Variants in PSMD12 observed in about 807,000 individuals in gnomAD.
PSMD12 encodes proteasome 26S subunit, non-ATPase 12.
In PSMD12, 8 loss-of-function variants were observed where a neutral mutation model predicts 62.9. The observed-to-expected ratio is 0.13, with a 90% CI of 0.07 to 0.23. PSMD12 has a LOEUF of 0.23. PSMD12 is among the 10% of genes least tolerant of loss of function. The probability of loss-of-function intolerance (pLI) is 1.00; values close to 1 mark genes in which losing one functional copy is unlikely to be tolerated. For missense variants in PSMD12, 424 were observed against 550.2 expected, an observed-to-expected ratio of 0.77 and a Z score of 2.29; for synonymous variants, 173 against 187.4, an observed-to-expected ratio of 0.92 and a Z score of 0.63.
chr17:67,339,150 C>G lies in PSMD12; in HGVS notation c.*1693G>C, dbSNP rs2041886629. 1 of 151,980 alleles carries G rather than the reference C, an allele frequency of 6.6e-6. No homozygotes were observed. The allele number at this position is 151,980 out of a possible 1,614,324, so 9.4% of individuals were successfully genotyped here. On this transcript the variant is annotated 3_prime_UTR_variant, in exon 11 of 11. Coordinates refer to ENST00000356126, the MANE Select transcript of PSMD12 (RefSeq NM_002816.5). ...TGAGACGGAGTCTCACTCTGTCACCCAGGCTGGAGTGCAATGGTGTGATCT... is the reference window on the plus strand; with the variant it reads ...TGAGACGGAGTCTCACTCTGTCACCGAGGCTGGAGTGCAATGGTGTGATCT...
intron 3 of PSMD12, among the ~76,000 whole-genome samples, chr17:67,353,262 A>G (rs947070364): frequency 1.2e-4 from 18 of 152,032 alleles, no homozygotes; most frequent in African/African-American, 4.3e-4. Flanking sequence ...ATATTAAGCA[A>G]TTTAGAAAAG....
intron 1 of PSMD12, 73 bp downstream of exon 1, chr17:67,366,339 C>A: frequency 7.1e-7 from 1 of 1,415,550 alleles, no homozygotes; most frequent in Non-Finnish European, 9.7e-7. Context: ...CGCAGGCCCC[C>A]TGAGGCCTAA....
chr17:67,339,857 T>TTA lies in PSMD12; in HGVS notation c.*985_*986insTA. The stretch of plus-strand genomic sequence containing the variant: ...TAATTCCGTGAAAATATTTTAATAC[T>TTA]ACACCACTTACTATGAGGGTGGCCT... On this transcript the variant is annotated 3_prime_UTR_variant, in exon 11 of 11. Transcript: ENST00000356126. The TTA allele has an allele frequency of 1.3e-5, 2 of 152,188 alleles. No homozygotes were observed. Among genetic ancestry groups the TTA allele is most frequent in the Admixed American group, 1.3e-4 (2 of 15,276 alleles). 9.4% of individuals were successfully genotyped at this position (152,188 alleles called of 1,614,324 possible).
chr17:67,347,507 T>G (rs763210062), intron 5 of PSMD12, 22 bp from the exon 6 acceptor site: 25 of 1,593,132 alleles, frequency 1.6e-5, no homozygotes, highest in Non-Finnish European at 2.0e-5. Context: ...ATTCCCCAAA[T>G]AAGTTTATAA....
chr17:67,365,184 CAA>C (rs891969142), intron 1 of PSMD12, among the ~76,000 whole-genome samples: 23 of 54,190 alleles, frequency 4.2e-4, no homozygotes, highest in Admixed American at 8.2e-4. Context: ...AACTCCGTCT[CAA>C]AAAAAAAAAA....
At chr17:67,351,816 T>C (rs1476178996) in intron 3 of PSMD12, among the ~76,000 whole-genome samples, 2 of 151,892 alleles carry the variant, frequency 1.3e-5, no homozygotes, top group Non-Finnish European at 2.9e-5. Flanking sequence ...AAACATTTTT[T>C]TGGCTGGGTA....
At position 67,340,847 on chromosome 17, in the gene PSMD12, T is replaced by C; in HGVS notation, c.1367A>G (p.Gln456Arg). ...TTTTCTAAAGCACTAAGACCCTTAT[T>C]GTAGATTATGTATCATCTCCTCTTT... ...IAKEEMIHNL[Q>R] The change falls in exon 11 of 11, where the codon CAA (glutamine) becomes CGA (arginine). Residue 456 changes from glutamine (Q) to arginine (R), a missense_variant. Gln to Arg is a conservative substitution (Grantham distance 43, BLOSUM62 1). Transcript: ENST00000356126. 2.5e-6 allele frequency: 4 copies of C among 1,569,526 alleles called. No individual in the cohort carries two copies. Among genetic ancestry groups the C allele is most frequent in the Non-Finnish European group, 3.4e-6 (4 of 1,163,332 alleles).
At chr17:67,353,209 G>T (rs1328156649) in intron 3 of PSMD12, among the ~76,000 whole-genome samples, 1 of 152,162 alleles carries the variant, frequency 6.6e-6, no homozygotes, top group Non-Finnish European at 1.5e-5. Flanking sequence ...CAGTTGGAGT[G>T]ACCCCTTGGG....
In PSMD12 at chr17:67,344,477, A is replaced by C; in HGVS notation, c.1083+129T>G. The C allele has an allele frequency of 3.4e-6, 3 of 883,834 alleles. No individual in the cohort carries two copies. In the East Asian group the frequency reaches 8.0e-5, roughly 24 times the overall value. The allele number at this position is 883,834 out of a possible 1,614,324, so 54.7% of individuals were successfully genotyped here. ...TGAAGAATTAAACACATAACATCCT[A>C]AATGAACATTTGGTTATCAAATGTG... On this transcript the variant is annotated intron_variant, in intron 9 of 10. Transcript: ENST00000356126.
At chr17:67,360,161 A>T (rs1031763797) in intron 1 of PSMD12, among the ~76,000 whole-genome samples, 5 of 152,220 alleles carry the variant, frequency 3.3e-5, no homozygotes, top group Non-Finnish European at 7.3e-5. Context: ...CAACAAAATG[A>T]AGGGCAAAAA....
Position 67,347,107 on chromosome 17 carries a change from TA to T in PSMD12, c.795+8del. On this transcript the variant is annotated splice_region_variant and intron_variant, in intron 7 of 10. Coordinates refer to ENST00000356126, the MANE Select transcript of PSMD12 (RefSeq NM_002816.5). The stretch of plus-strand genomic sequence containing the variant: ...AGAAGCCATGTCAATTACACGAATA[TA>T]TTCTTACCTGCTGCCATTTTTCACT... 2 of 1,577,434 alleles carry T rather than the reference TA, an allele frequency of 1.3e-6. No individual in the cohort carries two copies. The highest frequency in any genetic ancestry group is 1.7e-6 in the Non-Finnish European group (2 of 1,162,392).
intron 1 of PSMD12, among the ~76,000 whole-genome samples, chr17:67,365,167 A>G (rs2042167579): frequency 6.6e-6 from 1 of 151,614 alleles, no homozygotes; most frequent in African/African-American, 2.4e-5. Context: ...CTGGGTGAAA[A>G]AAGTGAAACT....
chr17:67,353,621 C>T (rs1184591507), intron 3 of PSMD12, among the ~76,000 whole-genome samples: 1 of 152,094 alleles, frequency 6.6e-6, no homozygotes, highest in Non-Finnish European at 1.5e-5. Context: ...AGTTTATTTT[C>T]TTAAAGCTAC....
At chr17:67,346,695 ATCTGACTTAC>A (rs2041970743) in intron 7 of PSMD12, among the ~76,000 whole-genome samples, 1 of 152,240 alleles carries the variant, frequency 6.6e-6, no homozygotes, top group African/African-American at 2.4e-5. Flanking sequence ...ATCATTGCTA[ATCTGACTTAC>A]TCCCCTCAGC....
intron 3 of PSMD12, among the ~76,000 whole-genome samples, chr17:67,356,422 G>A (rs962876759): frequency 1.3e-5 from 2 of 150,056 alleles, no homozygotes; most frequent in African/African-American, 4.9e-5. Flanking sequence ...GCCGGGCGTG[G>A]TAGCGGGCGC....
chr17:67,354,366 C>T (rs989816261), intron 3 of PSMD12, among the ~76,000 whole-genome samples: 1 of 151,022 alleles, frequency 6.6e-6, no homozygotes, highest in African/African-American at 2.4e-5. Flanking sequence ...GCTATGATTG[C>T]ACCACTGCAC....
At chr17:67,345,583 A>G (rs2041957220) in intron 8 of PSMD12, 162 bp downstream of exon 8, 1 of 587,780 alleles carries the variant, frequency 1.7e-6, no homozygotes, top group African/African-American at 1.9e-5. Context: ...CAGAAGTTGC[A>G]GTGAGCTGAG....
In PSMD12 at chr17:67,339,684, T is replaced by C. The variant is rs1285454267; in HGVS notation, c.*1159A>G. The stretch of plus-strand genomic sequence containing the variant: ...TCTCTTCATTTGAATTTTTTTAAAG[T>C]AGACCTCACACTTTCTTTATTTAAG... On this transcript the variant is annotated 3_prime_UTR_variant, in exon 11 of 11. Transcript: ENST00000356126. The C allele has an allele frequency of 6.6e-6, 1 of 152,188 alleles. No individual in the cohort carries two copies. The highest frequency in any genetic ancestry group is 1.9e-4 in the East Asian group (1 of 5,200). The allele number at this position is 152,188 out of a possible 1,614,324, so 9.4% of individuals were successfully genotyped here.
chr17:67,344,361 A>G (rs2041943537), intron 9 of PSMD12, among the ~76,000 whole-genome samples: 2 of 152,332 alleles, frequency 1.3e-5, no homozygotes, highest in South Asian at 4.1e-4. Context: ...AGTGAGATAC[A>G]TTCCAATATG....
Sources: allele counts gnomAD v4.1 joint callset (sites outside exome capture counted in the v4.1 genomes callset), GRCh38; gene constraint gnomAD v4.1.1; transcripts MANE v1.5; gene names NCBI Gene and HGNC (gene_info 2026-07-23, HGNC 2026-07-21).